The following SHISA9 variants were observed in gnomAD, a reference collection of about 807,000 sequenced individuals.
SHISA9 encodes the protein protein shisa-9.
In SHISA9, 13 loss-of-function variants were observed where a neutral mutation model predicts 38.0. That is an observed-to-expected ratio of 0.34 (90% confidence interval 0.22 to 0.54). SHISA9 has a LOEUF of 0.54. Ranked by LOEUF, SHISA9 falls within the 20% of genes least tolerant of loss-of-function variation. SHISA9 has a pLI of 0.91. For synonymous variants in SHISA9, 275 were observed against 242.0 expected, an observed-to-expected ratio of 1.14 and a Z score of -1.27; for missense variants, 538 against 575.8, an observed-to-expected ratio of 0.93 and a Z score of 0.67.
chr16:13,143,674 C>T (rs374722067), intron 2 of SHISA9, among the ~76,000 whole-genome samples: 141 of 152,310 alleles, frequency 9.3e-4, no homozygotes, highest in African/African-American at 3.2e-3. Context: ...AGCCAGCCAT[C>T]AAACAGACAA....
the SHISA9 span, among the ~76,000 whole-genome samples, chr16:13,387,692 G>A: frequency 1.3e-5 from 2 of 152,050 alleles, no homozygotes; most frequent in Non-Finnish European, 2.9e-5. Flanking sequence ...GTTTCACCAT[G>A]TTGGCCAGGA....
At chr16:13,113,209 C>CA (rs35316820) in intron 2 of SHISA9, among the ~76,000 whole-genome samples, 6,448 of 63,732 alleles carry the variant, frequency 0.1, 432 homozygotes, top group African/African-American at 0.18. Context: ...GACTCCATCT[C>CA]AAAAAAAAAA....
chr16:13,471,519 C>T, the SHISA9 span, among the ~76,000 whole-genome samples: 1 of 152,044 alleles, frequency 6.6e-6, no homozygotes. Context: ...TCCTTCCAAG[C>T]TGAAGTGGAA....
intron 2 of SHISA9, among the ~76,000 whole-genome samples, chr16:13,112,991 C>A (rs977600196): frequency 6.6e-6 from 1 of 152,052 alleles, no homozygotes; most frequent in African/African-American, 2.4e-5. Flanking sequence ...AGGCAGATCA[C>A]TTGACGTCAG....
intron 2 of SHISA9, among the ~76,000 whole-genome samples, chr16:12,921,218 A>G (rs2071323804): frequency 1.3e-5 from 2 of 152,228 alleles, no homozygotes; most frequent in Admixed American, 6.5e-5. Context: ...CTGAGCAAGT[A>G]AGGAGAAATG....
At chr16:12,903,793 C>G (rs1470402445) in intron 1 of SHISA9, among the ~76,000 whole-genome samples, 2 of 152,142 alleles carry the variant, frequency 1.3e-5, no homozygotes. Flanking sequence ...CCCCCTCTGC[C>G]GGGGGCCTGT....
the SHISA9 span, among the ~76,000 whole-genome samples, chr16:13,263,326 G>A: frequency 3.9e-5 from 6 of 152,298 alleles, no homozygotes; most frequent in South Asian, 1.2e-3. Flanking sequence ...ATCCCATGTT[G>A]GAGGTGGGGC....
chr16:12,982,074 C>T (rs2072246717), intron 2 of SHISA9, among the ~76,000 whole-genome samples: 1 of 152,230 alleles, frequency 6.6e-6, no homozygotes, highest in Non-Finnish European at 1.5e-5. Flanking sequence ...AATGCGATTA[C>T]TATACGCCAG....
the SHISA9 span, among the ~76,000 whole-genome samples, chr16:13,288,771 C>T: frequency 3.9e-5 from 6 of 152,108 alleles, no homozygotes; most frequent in African/African-American, 9.7e-5. Flanking sequence ...AGCTTGGTGA[C>T]AGAGCAAGAC....
the SHISA9 span, among the ~76,000 whole-genome samples, chr16:13,546,437 G>A: frequency 2.0e-5 from 3 of 152,182 alleles, no homozygotes; most frequent in Non-Finnish European, 4.4e-5. Context: ...GTGTTTGTCT[G>A]GGAAAGAATT....
Position 12,920,706 on chromosome 16 carries a change from C to T in SHISA9, c.691+3891C>T, listed in dbSNP as rs556867166. Among the ~76,000 whole-genome samples the T allele has an allele frequency of 9.3e-4, 141 of 152,188 alleles. 2 individuals are homozygous for T. The highest frequency in any genetic ancestry group is 9.7e-4 in the Non-Finnish European group (66 of 68,024). On this transcript the variant is annotated intron_variant, in intron 2 of 4. Coordinates refer to ENST00000558583, the MANE Select transcript of SHISA9 (RefSeq NM_001145204.3). ...GTTCTGTATACTCCTCACCCACTCT[C>T]CCCAATATCAACATTTGACATCACC...
chr16:13,028,238 G>A (rs1274358511), intron 2 of SHISA9, among the ~76,000 whole-genome samples: 1 of 152,134 alleles, frequency 6.6e-6, no homozygotes, highest in African/African-American at 2.4e-5. Flanking sequence ...TATTTAAGAA[G>A]AAATCTGCCT....
At chr16:13,039,759 A>G (rs990920274) in intron 2 of SHISA9, among the ~76,000 whole-genome samples, 1 of 152,152 alleles carries the variant, frequency 6.6e-6, no homozygotes, top group African/African-American at 2.4e-5. Context: ...GACTGCCAAG[A>G]GCAAAAGTTC....
At chr16:13,430,414 G>T in the SHISA9 span, among the ~76,000 whole-genome samples, 1 of 152,132 alleles carries the variant, frequency 6.6e-6, no homozygotes, top group African/African-American at 2.4e-5. Context: ...TGCAAACTCC[G>T]GTGGGCCTGA....
At chr16:13,034,905 T>G (rs1311059888) in intron 2 of SHISA9, among the ~76,000 whole-genome samples, 3 of 152,310 alleles carry the variant, frequency 2.0e-5, no homozygotes, top group Middle Eastern at 3.4e-3. Context: ...GTACTAGACA[T>G]GTGAATGAGC....
chr16:13,185,836 A>G (rs1474568870), intron 2 of SHISA9, among the ~76,000 whole-genome samples: 3 of 152,222 alleles, frequency 2.0e-5, no homozygotes, highest in East Asian at 1.9e-4. Context: ...TTACTCAACA[A>G]TCACCACCCT....
At chr16:13,322,243 A>G in the SHISA9 span, among the ~76,000 whole-genome samples, 3 of 152,356 alleles carry the variant, frequency 2.0e-5, no homozygotes, top group African/African-American at 7.2e-5. Flanking sequence ...ATGATCCTAG[A>G]GTGATCTAAT....
the SHISA9 span, among the ~76,000 whole-genome samples, chr16:13,514,035 C>T: frequency 5.3e-5 from 8 of 152,224 alleles, no homozygotes; most frequent in South Asian, 2.1e-4. Flanking sequence ...TGCTCTGTCA[C>T]GCAGGCTGGA....
At chr16:12,927,012 C>G (rs916198695) in intron 2 of SHISA9, among the ~76,000 whole-genome samples, 1 of 152,122 alleles carries the variant, frequency 6.6e-6, no homozygotes, top group African/African-American at 2.4e-5. Context: ...TCAGGATCAG[C>G]TGTTAGGAGC....
Sources: allele counts gnomAD v4.1 joint callset (sites outside exome capture counted in the v4.1 genomes callset), GRCh38; gene constraint gnomAD v4.1.1; transcripts MANE v1.5; gene names NCBI Gene and HGNC (gene_info 2026-07-23, HGNC 2026-07-21).